Variants in CLK4 observed in about 807,000 individuals in gnomAD.
The protein encoded by CLK4 is dual specificity protein kinase CLK4.
A neutral mutation model predicts 64.4 loss-of-function variants in CLK4; 37 were observed. The ratio of observed to expected loss-of-function variants is 0.57; its 90% confidence interval spans 0.44 to 0.76. The LOEUF (loss-of-function observed/expected upper bound fraction) is 0.76, where lower values mean the gene tolerates loss of function less well. CLK4 is among the 30% of genes least tolerant of loss of function. CLK4 has a pLI of 0.00. For missense variants in CLK4, 457 were observed against 605.1 expected, an observed-to-expected ratio of 0.76 and a Z score of 2.57; for synonymous variants, 175 against 191.6, an observed-to-expected ratio of 0.91 and a Z score of 0.72.
At chr5:178,614,959 T>C (rs1283411471) in intron 5 of CLK4, among the ~76,000 whole-genome samples, 1 of 152,166 alleles carries the variant, frequency 6.6e-6, no homozygotes, top group East Asian at 1.9e-4. Flanking sequence ...AAACATACAA[T>C]GCTAGACAGT....
Position 178,618,577 on chromosome 5 carries a change from A to G in CLK4, c.363T>C (p.Cys121=). The part of the protein sequence containing the change: ...SSPKRKRNRH[C]SSHQSRSKSH... The stretch of plus-strand genomic sequence containing the variant: ...ATACCGAACGTGACTGATGACTTGA[A>G]CAGTGTCTATTGCGCTTCCTTTTAG... Residue 121 remains cysteine (C), a synonymous_variant, in exon 3 of 13, where the codon TGT becomes TGC. Coordinates refer to ENST00000316308, the MANE Select transcript of CLK4 (RefSeq NM_020666.3). 6.2e-7 allele frequency: 1 copy of G among 1,613,942 alleles called. No homozygotes were observed. The highest frequency in any genetic ancestry group is 1.1e-5 in the South Asian group (1 of 91,070).
intron 2 of CLK4, 151 bp from the exon 3 acceptor site, chr5:178,618,929 A>C: frequency 1.6e-6 from 1 of 624,454 alleles, no homozygotes; most frequent in Non-Finnish European, 2.7e-6. Context: ...TATCTCATAA[A>C]GCTTAAGAAA....
rs1764497207 is a variant in CLK4 at position 178,608,407 on chromosome 5, A to G, written c.1103T>C (p.Ile368Thr). ...CDVWSIGCIL[I>T]EYYLGFTVFQ... ...GACTGTGAAACCAAGGTAATATTCA[A>G]TAAGAATGCAACCTATGCTCCAAAC... Residue 368 changes from isoleucine (I) to threonine (T), a missense_variant, in exon 10 of 13, where the codon ATT (isoleucine) becomes ACT (threonine). Coordinates refer to ENST00000316308, the MANE Select transcript of CLK4 (RefSeq NM_020666.3). The G allele has an allele frequency of 6.2e-7, 1 of 1,610,108 alleles. No individual in the cohort carries two copies. Among genetic ancestry groups the G allele is most frequent in the East Asian group, 2.2e-5 (1 of 44,684 alleles).
chr5:178,620,653 G>T, intron 2 of CLK4: 1 of 450,196 alleles, frequency 2.2e-6, no homozygotes, highest in Non-Finnish European at 4.5e-6. Flanking sequence ...AAGGGCATTC[G>T]TTTTTATATC....
chr5:178,603,980 C>A, intron 11 of CLK4, 46 bp from the exon 12 acceptor site: 1 of 1,425,948 alleles, frequency 7.0e-7, no homozygotes, highest in South Asian at 1.2e-5. Flanking sequence ...TAACAAGAGT[C>A]GTATCTTTAC....
At chr5:178,605,073 T>G in intron 11 of CLK4, 1 of 226,812 alleles carries the variant, frequency 4.4e-6, no homozygotes, top group Non-Finnish European at 8.2e-6. Flanking sequence ...GAGGCTGCAG[T>G]GAGCTGAGAT....
At chr5:178,614,111 T>C (rs1764594753) in intron 5 of CLK4, among the ~76,000 whole-genome samples, 1 of 152,224 alleles carries the variant, frequency 6.6e-6, no homozygotes, top group Non-Finnish European at 1.5e-5. Flanking sequence ...ACAACAGTTT[T>C]AAAAGATATA....
chr5:178,609,328 T>C (rs1192801533), intron 9 of CLK4, among the ~76,000 whole-genome samples: 3 of 152,250 alleles, frequency 2.0e-5, no homozygotes, highest in Non-Finnish European at 2.9e-5. Context: ...CAATATATAA[T>C]GACTTAAGTC....
intron 9 of CLK4, among the ~76,000 whole-genome samples, chr5:178,610,187 G>C (rs1764536888): frequency 6.6e-6 from 1 of 151,810 alleles, no homozygotes; most frequent in Non-Finnish European, 1.5e-5. Flanking sequence ...CTACTTGGGA[G>C]GCTGACACAG....
chr5:178,604,187 G>T (rs765356572), intron 11 of CLK4: 1 of 260,314 alleles, frequency 3.8e-6, no homozygotes, highest in South Asian at 1.3e-4. Flanking sequence ...TAAAACTAGG[G>T]GCCCCCTGGA....
chr5:178,604,476 A>G (rs1199831889), intron 11 of CLK4: 1 of 152,010 alleles, frequency 6.6e-6, no homozygotes, highest in Middle Eastern at 3.2e-3. Flanking sequence ...AAAAAACCCA[A>G]AAGCCATTTT....
chr5:178,609,720 A>T (rs1764527852), intron 9 of CLK4, among the ~76,000 whole-genome samples: 1 of 64,662 alleles, frequency 1.5e-5, no homozygotes, highest in Admixed American at 1.5e-4. Flanking sequence ...AATAAAAAAT[A>T]ATAAAAATTT....
In CLK4 at chr5:178,617,343, C is replaced by T; in HGVS notation, c.475+1G>A. 6.2e-7 allele frequency: 1 copy of T among 1,603,644 alleles called. No individual in the cohort carries two copies. Among genetic ancestry groups the T allele is most frequent in the Non-Finnish European group, 8.5e-7 (1 of 1,170,478 alleles). On this transcript the variant is annotated splice_donor_variant, in intron 4 of 12. Coordinates refer to ENST00000316308, the MANE Select transcript of CLK4 (RefSeq NM_020666.3). LOFTEE classifies it high-confidence loss of function. The surrounding 1 kb of genome is among the most constrained non-coding windows in gnomAD (Gnocchi z 5.2). ...AAAAAGTGTTGAAAAATATTCTATACATCTTGCTCTTAGAACGTCTCCACT... is the reference window on the plus strand; with the variant it reads ...AAAAAGTGTTGAAAAATATTCTATATATCTTGCTCTTAGAACGTCTCCACT...
chr5:178,613,992 C>A (rs1301507486), intron 5 of CLK4, 149 bp from the exon 6 acceptor site: 2 of 576,834 alleles, frequency 3.5e-6, no homozygotes, highest in Non-Finnish European at 6.1e-6. Context: ...CATATAACAT[C>A]TTCTTAAAAC....
intron 11 of CLK4, 77 bp from the exon 12 acceptor site, chr5:178,604,011 C>T (rs1764424092): frequency 1.9e-6 from 2 of 1,054,460 alleles, no homozygotes; most frequent in Non-Finnish European, 1.4e-6. Context: ...TGAGGGGAGA[C>T]ATGGAAAGCA....
intron 5 of CLK4, among the ~76,000 whole-genome samples, chr5:178,616,282 G>A (rs1261131288): frequency 6.6e-6 from 1 of 152,018 alleles, no homozygotes; most frequent in African/African-American, 2.4e-5. Context: ...ATTTTTAGTA[G>A]AGAATGTATT....
chr5:178,604,995 T>G (rs146231454), intron 11 of CLK4: 4,095 of 165,778 alleles, frequency 0.025, 90 homozygotes, highest in South Asian at 0.085. Context: ...CCAGGCATAG[T>G]GGTGGGCACC....
At position 178,617,165 on chromosome 5, in the gene CLK4, A is replaced by G. The variant is rs560292134; in HGVS notation, c.475+179T>C. On this transcript the variant is annotated intron_variant, in intron 4 of 12. Coordinates refer to ENST00000316308, the MANE Select transcript of CLK4 (RefSeq NM_020666.3). This position sits in a 1 kb window ranked among gnomAD's most constrained non-coding sequence, Gnocchi z 5.2. ...TCTCAAATTCCACTGATTATTTTGG[A>G]ACTTTAGAATAGAAATATTTAAATT... 6.5e-4 allele frequency: 420 copies of G among 645,448 alleles called. 1 individual carries two copies. Among genetic ancestry groups the G allele is most frequent in the Non-Finnish European group, 8.7e-4 (322 of 371,280 alleles). The allele number at this position is 645,448 out of a possible 1,614,324, so 40.0% of individuals were successfully genotyped here.
intron 11 of CLK4, 112 bp from the exon 12 acceptor site, chr5:178,604,046 T>A: frequency 1.4e-6 from 1 of 700,468 alleles, no homozygotes; most frequent in Non-Finnish European, 2.3e-6. Flanking sequence ...TATAGACTTA[T>A]ATAATATAGA....
Sources: gnomAD v4.1 joint callset for allele counts (sites outside exome capture counted in the v4.1 genomes callset) on GRCh38, gnomAD v4.1.1 for gene constraint, Gnocchi (gnomAD v3.1) non-coding constraint, MANE v1.5 for transcripts, NCBI Gene and HGNC (gene_info 2026-07-23, HGNC 2026-07-21) for gene names.